The following CEMIP variants were observed in gnomAD, a reference collection of about 807,000 sequenced individuals.
CEMIP encodes the protein cell migration inducing hyaluronidase 1.
Under a neutral mutation model 156.9 loss-of-function variants are expected in CEMIP, and 105 were observed. The observed-to-expected ratio is 0.67, with a 90% CI of 0.57 to 0.79. CEMIP has a LOEUF of 0.79. Among genes scored for constraint, CEMIP ranks in the 30% least tolerant of loss-of-function variants. The pLI is 0.00. For missense variants in CEMIP, 1,457 were observed against 1,769.4 expected, an observed-to-expected ratio of 0.82 and a Z score of 3.17; for synonymous variants, 676 against 668.4, an observed-to-expected ratio of 1.01 and a Z score of -0.17.
intron 10 of CEMIP, among the ~76,000 whole-genome samples, chr15:80,890,359 A>G (rs1477842038): frequency 6.6e-6 from 1 of 151,662 alleles, no homozygotes; most frequent in African/African-American, 2.4e-5. Flanking sequence ...TGGGCAGATC[A>G]CTTGAGGTCA....
intron 1 of CEMIP, among the ~76,000 whole-genome samples, chr15:80,847,500 A>T (rs565177891): frequency 6.6e-6 from 1 of 152,306 alleles, no homozygotes; most frequent in African/African-American, 2.4e-5. Flanking sequence ...GCGACTCAGG[A>T]CCATGTTGTG....
chr15:80,909,524 G>C, intron 14 of CEMIP: 2 of 639,660 alleles, frequency 3.1e-6, no homozygotes, highest in Non-Finnish European at 2.9e-6. Flanking sequence ...AGAGATGGGA[G>C]AGTGATTACT....
At chr15:80,894,526 A>G (rs1899143299) in intron 10 of CEMIP, among the ~76,000 whole-genome samples, 2 of 152,184 alleles carry the variant, frequency 1.3e-5, no homozygotes, top group South Asian at 2.1e-4. Context: ...CCCAGACACA[A>G]TCAAATCTGA....
chr15:80,906,931 G>C lies in CEMIP; in HGVS notation c.1587+93G>C, dbSNP rs1169148861. ...GGGCCTTCTTGGTAGGGATGAGGGT[G>C]GGGGAACAGGAGGTGGGATCAAGGG... On this transcript the variant is annotated intron_variant, in intron 13 of 29. Coordinates refer to ENST00000394685, the MANE Select transcript of CEMIP (RefSeq NM_001293298.2). This position sits in a 1 kb window ranked among gnomAD's most constrained non-coding sequence, Gnocchi z 4.3. 1 of 1,388,638 alleles carries C rather than the reference G, an allele frequency of 7.2e-7. No individual in the cohort carries two copies. The highest frequency in any genetic ancestry group is 1.0e-6 in the Non-Finnish European group (1 of 1,000,872). The allele number at this position is 1,388,638 out of a possible 1,614,324, so 86.0% of individuals were successfully genotyped here.
intron 1 of CEMIP, among the ~76,000 whole-genome samples, chr15:80,838,948 G>A (rs1394850138): frequency 1.3e-5 from 2 of 152,190 alleles, no homozygotes; most frequent in Non-Finnish European, 2.9e-5. Context: ...AGCGCTCCGT[G>A]CATGTTTGGT....
chr15:80,916,052 A>G (rs549510198), intron 14 of CEMIP, among the ~76,000 whole-genome samples: 13 of 152,332 alleles, frequency 8.5e-5, no homozygotes, highest in African/African-American at 2.6e-4. Context: ...GTTCACTTCT[A>G]TCTGCATTTG....
chr15:80,885,751 GT>G (rs149530644), intron 7 of CEMIP, among the ~76,000 whole-genome samples: 91 of 152,338 alleles, frequency 6.0e-4, no homozygotes, highest in African/African-American at 2.1e-3. Context: ...ACAATTAAAT[GT>G]GATAATATGA....
intron 1 of CEMIP, among the ~76,000 whole-genome samples, chr15:80,822,382 C>T (rs1262372513): frequency 4.6e-5 from 7 of 152,184 alleles, no homozygotes; most frequent in African/African-American, 1.7e-4. Context: ...ACAGTCTTCT[C>T]ATATGTGCAG....
chr15:80,882,293 T>A (rs569640641), intron 6 of CEMIP, among the ~76,000 whole-genome samples: 1 of 152,178 alleles, frequency 6.6e-6, no homozygotes, highest in African/African-American at 2.4e-5. Context: ...TCAATCTTCA[T>A]CAAAATTCTG....
At chr15:80,797,398 G>A (rs1896257282) in intron 1 of CEMIP, among the ~76,000 whole-genome samples, 1 of 152,170 alleles carries the variant, frequency 6.6e-6, no homozygotes, top group African/African-American at 2.4e-5. Context: ...AGTGCAGGGA[G>A]GACAGAGGCG....
chr15:80,928,994 C>G (rs563771740), intron 20 of CEMIP, 25 bp from the exon 21 acceptor site: 1 of 1,614,106 alleles, frequency 6.2e-7, no homozygotes, highest in Non-Finnish European at 8.5e-7. Flanking sequence ...CTGGGCATCT[C>G]ACCTTAAACA....
At chr15:80,855,814 C>T (rs1026218684) in intron 1 of CEMIP, among the ~76,000 whole-genome samples, 5 of 152,204 alleles carry the variant, frequency 3.3e-5, no homozygotes, top group African/African-American at 1.2e-4. Flanking sequence ...TGAGCCACCG[C>T]ACCCAGCCCG....
Position 80,948,807 on chromosome 15 carries a change from A to C in CEMIP, c.3969A>C (p.Ala1323=). 6.2e-7 allele frequency: 1 copy of C among 1,614,176 alleles called. No individual in the cohort carries two copies. The highest frequency in any genetic ancestry group is 8.5e-7 in the Non-Finnish European group (1 of 1,180,026). The part of the protein sequence containing the change: ...DRGLKLKEQM[A]FVGFKGSFRP... ...ATCATTGCTTTTCAGAGCAAATGGC[A>C]TTCGTTGGCTTCAAAGGCAGCTTCC... The change falls in exon 30 of 30, where the codon GCA becomes GCC. Residue 1323 remains alanine (A), a synonymous_variant. Transcript: ENST00000394685.
chr15:80,892,614 C>T lies in CEMIP; in HGVS notation c.1087-2376C>T, dbSNP rs866258531. Among the ~76,000 whole-genome samples the T allele has an allele frequency of 4.9e-4, 74 of 152,300 alleles. 1 individual carries two copies. The Middle Eastern group carries it at 0.014, about 28-fold the overall frequency. ...AGCCAGAGAGATCACAGCTCTACCA[C>T]TTGTGAGCTTTGGCATATCAGCAAG... On this transcript the variant is annotated intron_variant, in intron 10 of 29. Transcript: ENST00000394685.
At chr15:80,844,588 A>C (rs1385122989) in intron 1 of CEMIP, among the ~76,000 whole-genome samples, 1 of 152,140 alleles carries the variant, frequency 6.6e-6, no homozygotes, top group Non-Finnish European at 1.5e-5. Context: ...ATGTCTATTC[A>C]TTTCAGCTGG....
In CEMIP at chr15:80,906,048, A is replaced by T. The variant is rs1001188732; in HGVS notation, c.1412-615A>T. Among the ~76,000 whole-genome samples, 23 of 152,244 alleles carry T rather than the reference A, an allele frequency of 1.5e-4. No individual in the cohort carries two copies. Among genetic ancestry groups the T allele is most frequent in the Non-Finnish European group, 2.2e-4 (15 of 68,040 alleles). ...CTCTACATGAGGCTGAGGTAAGCAG[A>T]ATAGGGATTTGCCTGCTTTAACAGA... On this transcript the variant is annotated intron_variant, in intron 12 of 29. Coordinates refer to ENST00000394685, the MANE Select transcript of CEMIP (RefSeq NM_001293298.2). The surrounding 1 kb of genome is among the most constrained non-coding windows in gnomAD (Gnocchi z 4.3).
intron 12 of CEMIP, chr15:80,897,471 AG>A: frequency 2.5e-6 from 1 of 396,410 alleles, no homozygotes; most frequent in Non-Finnish European, 5.1e-6. Context: ...CTGTGATGTC[AG>A]GGTGCCCACC....
Position 80,922,289 on chromosome 15 carries a change from G to C in CEMIP, c.2202+152G>C. Reference sequence around the variant, plus strand: ...GAAGAAAATGGAGCAGCCTTGCGAGGCCTCCCAGGCCATTGGCCACATTCT... The same window carrying C: ...GAAGAAAATGGAGCAGCCTTGCGAGCCCTCCCAGGCCATTGGCCACATTCT... On this transcript the variant is annotated intron_variant, in intron 17 of 29. Coordinates refer to ENST00000394685, the MANE Select transcript of CEMIP (RefSeq NM_001293298.2). 3.0e-6 allele frequency: 3 copies of C among 1,003,054 alleles called. No homozygotes were observed. The African/African-American group carries it at 4.8e-5, about 16-fold the overall frequency. 62.1% of individuals were successfully genotyped at this position (1,003,054 alleles called of 1,614,324 possible). A position where few individuals can be genotyped will look rare whatever the true frequency, so the allele number is the denominator to read the frequency against.
intron 10 of CEMIP, among the ~76,000 whole-genome samples, chr15:80,892,190 C>T (rs1050179302): frequency 6.6e-5 from 10 of 152,110 alleles, no homozygotes; most frequent in Admixed American, 1.3e-4. Flanking sequence ...GGCATACCTG[C>T]CATGCACTGA....
Sources: allele counts gnomAD v4.1 joint callset (sites outside exome capture counted in the v4.1 genomes callset), GRCh38; gene constraint gnomAD v4.1.1; non-coding constraint Gnocchi (gnomAD v3.1); transcripts MANE v1.5; gene names NCBI Gene and HGNC (gene_info 2026-07-23, HGNC 2026-07-21).